Variants in P2RX3 observed in about 807,000 individuals in gnomAD.
P2RX3 encodes the protein P2X purinoceptor 3.
A neutral mutation model predicts 51.5 loss-of-function variants in P2RX3; 41 were observed. That is an observed-to-expected ratio of 0.80 (90% CI 0.62 to 1.03). The LOEUF is 1.03. Ranked by LOEUF, P2RX3 falls within the 50% of genes least tolerant of loss-of-function variation. The pLI, the probability that P2RX3 is intolerant of heterozygous loss-of-function variation, is 0.00. For missense variants in P2RX3, 459 were observed against 522.1 expected, an observed-to-expected ratio of 0.88 and a Z score of 1.18; for synonymous variants, 185 against 191.6, an observed-to-expected ratio of 0.97 and a Z score of 0.29.
chr11:57,341,510 G>C (rs1434623647), intron 1 of P2RX3, among the ~76,000 whole-genome samples: 1 of 152,000 alleles, frequency 6.6e-6, no homozygotes, highest in African/African-American at 2.4e-5. Context: ...CCCACTCCAG[G>C]GCACACAGAG....
rs745367962 is a variant in P2RX3 at position 57,346,532 on chromosome 11, C to T, written c.120-12C>T. The T allele has an allele frequency of 1.1e-5, 17 of 1,613,758 alleles. No individual in the cohort carries two copies. The East Asian group carries it at 3.3e-4, about 32-fold the overall frequency. The stretch of plus-strand genomic sequence containing the variant: ...TCCTCTCTTTCTCTTCATTTATGCT[C>T]TCCTGCCCCAGGTGGGTTTTCTTGC... On this transcript the variant is annotated splice_polypyrimidine_tract_variant and intron_variant, in intron 1 of 11. Transcript: ENST00000263314.
At chr11:57,359,491 G>A (rs1195742875) in intron 8 of P2RX3, among the ~76,000 whole-genome samples, 1 of 152,172 alleles carries the variant, frequency 6.6e-6, no homozygotes, top group Non-Finnish European at 1.5e-5. Context: ...TGTCAGAGGA[G>A]CCCCCGACCC....
chr11:57,346,296 GA>G lies in P2RX3; in HGVS notation c.120-247del, dbSNP rs1355966545. On this transcript the variant is annotated intron_variant, in intron 1 of 11. Transcript: ENST00000263314. The stretch of plus-strand genomic sequence containing the variant: ...ATATCTGTGATATCAAAGTTTCATG[GA>G]GGGGGGGACCACTAGGGGAGAAAAT... 2.0e-5 allele frequency among the ~76,000 whole-genome samples: 3 copies of G among 152,344 alleles called. No homozygotes were observed. In the East Asian group the frequency reaches 5.8e-4, roughly 29 times the overall value.
intron 8 of P2RX3, among the ~76,000 whole-genome samples, chr11:57,360,972 T>C (rs1041353097): frequency 6.6e-6 from 1 of 152,166 alleles, no homozygotes; most frequent in African/African-American, 2.4e-5. Flanking sequence ...GCCCCTGGTT[T>C]GTAGCATTGG....
chr11:57,369,540 G>A (rs988177043), intron 11 of P2RX3, 102 bp downstream of exon 11: 21 of 1,069,230 alleles, frequency 2.0e-5, no homozygotes, highest in Admixed American at 1.5e-4. Context: ...TCTGAAGGGG[G>A]GTTCACCAGG....
intron 7 of P2RX3, 178 bp from the exon 8 acceptor site, chr11:57,350,584 C>T (rs1856528367): frequency 1.2e-6 from 1 of 814,144 alleles, no homozygotes; most frequent in Non-Finnish European, 1.9e-6. Context: ...ACCCGGCCAC[C>T]ACAGCACTTC....
At position 57,355,618 on chromosome 11, in the gene P2RX3, C is replaced by T. The variant is rs577430597; in HGVS notation, c.842+4720C>T. Among the ~76,000 whole-genome samples, 8 of 152,148 alleles carry T rather than the reference C, an allele frequency of 5.3e-5. No individual in the cohort carries two copies. The East Asian group carries it at 5.8e-4, about 11-fold the overall frequency. On this transcript the variant is annotated intron_variant, in intron 8 of 11. Transcript: ENST00000263314. The stretch of plus-strand genomic sequence containing the variant: ...GGTCTCCCAAAGTGCTGGGATTATA[C>T]GCGTGAGCTACCACGCCTAGCCAGG...
Position 57,346,534 on chromosome 11 carries a change from C to T in P2RX3, c.120-10C>T. On this transcript the variant is annotated splice_polypyrimidine_tract_variant and intron_variant, in intron 1 of 11. Coordinates refer to ENST00000263314, the MANE Select transcript of P2RX3 (RefSeq NM_002559.5). ...CTCTCTTTCTCTTCATTTATGCTCTCCTGCCCCAGGTGGGTTTTCTTGCAC... is the reference window on the plus strand; with the variant it reads ...CTCTCTTTCTCTTCATTTATGCTCTTCTGCCCCAGGTGGGTTTTCTTGCAC... The T allele has an allele frequency of 6.2e-7, 1 of 1,613,830 alleles. No homozygotes were observed. The highest frequency in any genetic ancestry group is 8.5e-7 in the Non-Finnish European group (1 of 1,179,908).
chr11:57,367,817 T>A lies in P2RX3; in HGVS notation c.843-192T>A, dbSNP rs367666764. 3.3e-5 allele frequency among the ~76,000 whole-genome samples: 5 copies of A among 152,260 alleles called. No individual in the cohort carries two copies. In the East Asian group the frequency reaches 9.7e-4, roughly 29 times the overall value. On this transcript the variant is annotated intron_variant, in intron 8 of 11. Coordinates refer to ENST00000263314, the MANE Select transcript of P2RX3 (RefSeq NM_002559.5). ...GGTGGAGCTCAGGAATCTGCTTTTA[T>A]AACAAGCCCCCAAGATGATGCTTGT...
intron 1 of P2RX3, among the ~76,000 whole-genome samples, chr11:57,341,430 G>A (rs994541761): frequency 6.6e-6 from 1 of 151,976 alleles, no homozygotes; most frequent in South Asian, 2.1e-4. Flanking sequence ...TCTCACATAC[G>A]CTCTCACCCC....
intron 8 of P2RX3, 33 bp from the exon 9 acceptor site, chr11:57,367,976 A>G (rs1292897564): frequency 8.4e-6 from 13 of 1,546,692 alleles, no homozygotes; most frequent in South Asian, 2.2e-5. Flanking sequence ...ACAGGATCCC[A>G]CAGAGGGACC....
intron 1 of P2RX3, among the ~76,000 whole-genome samples, chr11:57,339,326 CAAGGAGAA>C (rs1156582598): frequency 1.3e-5 from 2 of 152,060 alleles, no homozygotes; most frequent in Non-Finnish European, 2.9e-5. Context: ...GAAGAGTGGC[CAAGGAGAA>C]AAGGAGCTTT....
intron 8 of P2RX3, among the ~76,000 whole-genome samples, chr11:57,356,606 G>A (rs953333844): frequency 6.6e-6 from 1 of 152,212 alleles, no homozygotes; most frequent in Non-Finnish European, 1.5e-5. Flanking sequence ...AGGCAGAAAC[G>A]TGTGGATCAG....
intron 8 of P2RX3, among the ~76,000 whole-genome samples, chr11:57,364,332 G>A (rs1856765580): frequency 6.6e-6 from 1 of 152,218 alleles, no homozygotes; most frequent in Non-Finnish European, 1.5e-5. Context: ...GAGCTCAGAG[G>A]CAGGATGGTT....
At chr11:57,368,503 C>A in intron 10 of P2RX3, 66 bp downstream of exon 10, 1 of 1,568,732 alleles carries the variant, frequency 6.4e-7, no homozygotes, top group Non-Finnish European at 8.8e-7. Context: ...TACCAGCAGG[C>A]AGGGGAGTGA....
Position 57,348,760 on chromosome 11 carries a change from C to A in P2RX3, c.563+56C>A. 9.5e-6 allele frequency: 13 copies of A among 1,373,460 alleles called. No individual in the cohort carries two copies. The East Asian group carries it at 2.7e-4, about 29-fold the overall frequency. The allele number at this position is 1,373,460 out of a possible 1,614,324, so 85.1% of individuals were successfully genotyped here. On this transcript the variant is annotated intron_variant, in intron 6 of 11. Transcript: ENST00000263314. Reference sequence around the variant, plus strand: ...ATGCAGGCACCCCCGGCCCTGCCAACCTGTTTTCAGGGAAGTGGAGATGCC... The same window carrying A: ...ATGCAGGCACCCCCGGCCCTGCCAAACTGTTTTCAGGGAAGTGGAGATGCC...
intron 11 of P2RX3, 38 bp from the exon 12 acceptor site, chr11:57,369,846 T>A: frequency 7.0e-7 from 1 of 1,419,022 alleles, no homozygotes; most frequent in Non-Finnish European, 9.9e-7. Context: ...ACATTGCCCA[T>A]AGTCAGAACT....
chr11:57,350,509 C>A (rs533026480), intron 7 of P2RX3: 1 of 419,934 alleles, frequency 2.4e-6, no homozygotes, highest in South Asian at 2.9e-5. Context: ...GTCTCGATCT[C>A]CTGACCTCGT....
chr11:57,371,043 C>T lies in P2RX3; in HGVS notation c.*1046C>T, dbSNP rs1856877994. ...AAGCTAAAGGGGCCTTTTAAACCAT[C>T]TTATCTAACCCTCTTGCTTACAGAT... On this transcript the variant is annotated 3_prime_UTR_variant, in exon 12 of 12. Coordinates refer to ENST00000263314, the MANE Select transcript of P2RX3 (RefSeq NM_002559.5). 6.6e-6 allele frequency among the ~76,000 whole-genome samples: 1 copy of T among 152,262 alleles called. No homozygotes were observed. The highest frequency in any genetic ancestry group is 2.4e-5 in the African/African-American group (1 of 41,472).
Sources: allele counts gnomAD v4.1 joint callset (sites outside exome capture counted in the v4.1 genomes callset), GRCh38; gene constraint gnomAD v4.1.1; transcripts MANE v1.5; gene names NCBI Gene and HGNC (gene_info 2026-07-23, HGNC 2026-07-21).